Variants in UGT1A4 observed in about 807,000 individuals in gnomAD.
UGT1A4 encodes the protein UDP glucuronosyltransferase family 1 member A4.
In UGT1A4, 32 loss-of-function variants were observed where a neutral mutation model predicts 41.1. The observed-to-expected ratio is 0.78, with a 90% CI of 0.59 to 1.05. UGT1A4 has a LOEUF of 1.05. UGT1A4 is among the 50% of genes least tolerant of loss of function. UGT1A4 has a pLI of 0.00. For missense variants in UGT1A4, 748 were observed against 677.4 expected, an observed-to-expected ratio of 1.10 and a Z score of -1.16; for synonymous variants, 283 against 265.1, an observed-to-expected ratio of 1.07 and a Z score of -0.66.
At chr2:233,729,262 G>A in intron 1 of UGT1A4, 1 of 1,614,138 alleles carries the variant, frequency 6.2e-7, no homozygotes, top group Non-Finnish European at 8.5e-7. Flanking sequence ...CAGCATGCGG[G>A]AGGTCTTGCG....
At position 233,769,334 on chromosome 2, in the gene UGT1A4, AG is replaced by A. The variant is rs1261695807; in HGVS notation, c.1307+896del. Among the ~76,000 whole-genome samples the A allele has an allele frequency of 6.6e-6, 1 of 152,248 alleles. No individual in the cohort carries two copies. The highest frequency in any genetic ancestry group is 1.5e-5 in the Non-Finnish European group (1 of 68,042). ...CAAGCTCACTGGTAATAGGCTTATT[AG>A]AACCTTATGGGAAGAAGTGGTGGCC... On this transcript the variant is annotated intron_variant, in intron 4 of 4. Transcript: ENST00000373409. This position sits in a 1 kb window ranked among gnomAD's most constrained non-coding sequence, Gnocchi z 4.4.
intron 1 of UGT1A4, chr2:233,747,921 G>T: frequency 6.2e-7 from 1 of 1,613,394 alleles, no homozygotes; most frequent in Non-Finnish European, 8.5e-7. Context: ...CCTTGCCTCT[G>T]AGCTTTTTCA....
At chr2:233,726,191 A>T (rs942571652) in intron 1 of UGT1A4, among the ~76,000 whole-genome samples, 2 of 152,194 alleles carry the variant, frequency 1.3e-5, no homozygotes, top group African/African-American at 4.8e-5. Context: ...TCTTTGGCAT[A>T]TGGAAATCTT....
chr2:233,747,166 G>A, intron 1 of UGT1A4: 1 of 1,592,464 alleles, frequency 6.3e-7, no homozygotes, highest in Non-Finnish European at 8.5e-7. Context: ...ACAAATGTAG[G>A]AGGCACAGCG....
chr2:233,738,561 A>C lies in UGT1A4; in HGVS notation c.867+18874A>C, dbSNP rs200356617. 8.5e-5 allele frequency among the ~76,000 whole-genome samples: 13 copies of C among 152,332 alleles called. No homozygotes were observed. In the East Asian group the frequency reaches 2.5e-3, roughly 29 times the overall value. ...GCTGAGTCTCAGATAGAGATGAGGA[A>C]TCTGTTGAGAACTGGAGCAAAGGTC... On this transcript the variant is annotated intron_variant, in intron 1 of 4. Transcript: ENST00000373409.
chr2:233,730,339 G>T (rs954764150), intron 1 of UGT1A4, among the ~76,000 whole-genome samples: 16 of 152,296 alleles, frequency 1.1e-4, no homozygotes, highest in Non-Finnish European at 7.4e-5. Context: ...GTTTGGAACT[G>T]ATCCATCCTG....
intron 1 of UGT1A4, among the ~76,000 whole-genome samples, chr2:233,732,197 G>T (rs1458776605): frequency 6.6e-6 from 1 of 152,132 alleles, no homozygotes; most frequent in Non-Finnish European, 1.5e-5. Flanking sequence ...TTAGCCCTTT[G>T]TCAGATGGGT....
chr2:233,759,382 A>C (rs1049531519), intron 1 of UGT1A4, among the ~76,000 whole-genome samples: 4 of 152,150 alleles, frequency 2.6e-5, no homozygotes, highest in Non-Finnish European at 2.9e-5. Context: ...GGTTTTCAGG[A>C]TACTCAGAGT....
chr2:233,725,463 A>G (rs1262858111), intron 1 of UGT1A4, among the ~76,000 whole-genome samples: 1 of 152,026 alleles, frequency 6.6e-6, no homozygotes, highest in Non-Finnish European at 1.5e-5. Flanking sequence ...AAACTTTTCT[A>G]GTGGGCATGT....
chr2:233,757,535 A>AATATATATACATATACATATATACAT (rs376887521), intron 1 of UGT1A4, among the ~76,000 whole-genome samples: 3 of 88,312 alleles, frequency 3.4e-5, no homozygotes, highest in African/African-American at 1.5e-4. Context: ...GCCTGTAAGG[A>AATATATATACATATACATATATACAT]ATATATATAT....
chr2:233,732,012 G>A (rs1045878291), intron 1 of UGT1A4, among the ~76,000 whole-genome samples: 10 of 152,206 alleles, frequency 6.6e-5, no homozygotes, highest in Non-Finnish European at 1.0e-4. Flanking sequence ...TTGTGGTTTT[G>A]ATTTGCATTT....
At chr2:233,725,981 C>T (rs28899190) in intron 1 of UGT1A4, among the ~76,000 whole-genome samples, 4,581 of 152,048 alleles carry the variant, frequency 0.03, 268 homozygotes, top group African/African-American at 0.1. Flanking sequence ...GCCTGGGAAA[C>T]GTGCTGAGAC....
chr2:233,751,041 C>T (rs1189631528), intron 1 of UGT1A4, among the ~76,000 whole-genome samples: 2 of 151,832 alleles, frequency 1.3e-5, no homozygotes, highest in African/African-American at 4.9e-5. Flanking sequence ...GCACTGTGTG[C>T]CTGGAAAAGA....
intron 1 of UGT1A4, among the ~76,000 whole-genome samples, chr2:233,757,461 C>T (rs181439880): frequency 5.8e-4 from 87 of 149,574 alleles, no homozygotes; most frequent in Non-Finnish European, 1.2e-3. Context: ...GTCCAGAGCG[C>T]TTACTGTCTC....
chr2:233,743,731 G>A (rs373030535), intron 1 of UGT1A4: 15 of 1,367,244 alleles, frequency 1.1e-5, no homozygotes, highest in Middle Eastern at 2.1e-4. Flanking sequence ...CATAGATATC[G>A]CGTTTCTTGG....
At chr2:233,756,789 G>A (rs1696325268) in intron 1 of UGT1A4, among the ~76,000 whole-genome samples, 1 of 151,900 alleles carries the variant, frequency 6.6e-6, no homozygotes, top group Admixed American at 6.6e-5. Context: ...AAATTGTGGG[G>A]CAATACACTA....
chr2:233,767,826 T>C (rs1204368520), intron 2 of UGT1A4, 23 bp from the exon 3 acceptor site: 5 of 1,614,208 alleles, frequency 3.1e-6, no homozygotes, highest in South Asian at 2.2e-5. Flanking sequence ...TTCTTTACGT[T>C]CTGCTCTTTT....
intron 1 of UGT1A4, among the ~76,000 whole-genome samples, chr2:233,764,647 G>A (rs1256748841): frequency 6.6e-6 from 1 of 152,124 alleles, no homozygotes; most frequent in Non-Finnish European, 1.5e-5. Context: ...GGAAATTTAA[G>A]TAAGCCATTT....
rs762309245 is a variant in UGT1A4 at position 233,767,917 on chromosome 2, A to G, written c.1068A>G (p.Leu356=). The stretch of plus-strand genomic sequence containing the variant: ...ACAACACGATACTTGTTAAGTGGCT[A>G]CCCCAAAACGATCTGCTTGGTATGT... ...LANNTILVKW[L]PQNDLLGHPM... The change falls in exon 3 of 5, where the codon CTA becomes CTG. Residue 356 remains leucine, a synonymous_variant. Coordinates refer to ENST00000373409, the MANE Select transcript of UGT1A4 (RefSeq NM_007120.3). 2 of 1,614,072 alleles carry G rather than the reference A, an allele frequency of 1.2e-6. No homozygotes were observed. The highest frequency in any genetic ancestry group is 2.2e-5 in the East Asian group (1 of 44,896).
Sources: gnomAD v4.1 joint callset for allele counts (sites outside exome capture counted in the v4.1 genomes callset) on GRCh38, gnomAD v4.1.1 for gene constraint, Gnocchi (gnomAD v3.1) non-coding constraint, MANE v1.5 for transcripts, NCBI Gene and HGNC (gene_info 2026-07-23, HGNC 2026-07-21) for gene names.